Variants in INPP5A observed in about 807,000 individuals in gnomAD.
INPP5A encodes the protein 43 kDa inositol polyphosphate 5-phophatase.
Under a neutral mutation model 65.2 loss-of-function variants are expected in INPP5A, and 14 were observed. The ratio of observed to expected loss-of-function variants is 0.21; its 90% CI spans 0.14 to 0.34. The LOEUF (loss-of-function observed/expected upper bound fraction) is 0.34. Among genes scored for constraint, INPP5A ranks in the 10% least tolerant of loss-of-function variants. INPP5A has a pLI of 1.00. For synonymous variants in INPP5A, 207 were observed against 208.3 expected (o/e 0.99, Z 0.05); for missense variants, 431 against 545.6 (o/e 0.79, Z 2.09).
rs1423432664 is a variant in INPP5A, at chr10:132,651,367, C to T, written c.306+862C>T. Among the ~76,000 whole-genome samples the T allele has an allele frequency of 4.3e-5, 6 of 141,082 alleles. No homozygotes were observed. The highest frequency in any genetic ancestry group is 1.6e-4 in the African/African-American group (6 of 37,160). 92.6% of individuals were successfully genotyped at this position (141,082 alleles called of 152,430 possible). ...GTCTCTGGGGAGGCCCTGGGTCCCC[C>T]GGCCTGGGTCCATCTCCCCCGTCTC... On this transcript the variant is annotated intron_variant, in intron 4 of 15. Transcript: ENST00000368594. The surrounding 1 kb of genome is among the most constrained non-coding windows in gnomAD (Gnocchi z 5.0).
rs1184995430 is a variant in INPP5A at position 132,741,404 on chromosome 10, C to T, written c.733-8113C>T. On this transcript the variant is annotated intron_variant, in intron 9 of 15. Coordinates refer to ENST00000368594, the MANE Select transcript of INPP5A (RefSeq NM_005539.5). This position sits in a 1 kb window ranked among gnomAD's most constrained non-coding sequence, Gnocchi z 4.4. ...TCCTGCTGGACAAACACTGCAGGTT[C>T]ACACCACGGGAACTTCTCGGCATCT... Among the ~76,000 whole-genome samples, 1 of 152,224 alleles carries T rather than the reference C, an allele frequency of 6.6e-6. No homozygotes were observed. The highest frequency in any genetic ancestry group is 1.5e-5 in the Non-Finnish European group (1 of 68,036).
At chr10:132,778,211 C>T (rs1847097047) in intron 13 of INPP5A, among the ~76,000 whole-genome samples, 1 of 146,576 alleles carries the variant, frequency 6.8e-6, no homozygotes, top group African/African-American at 2.5e-5. Context: ...ATTTGAGCCT[C>T]GATAAGTTAA....
intron 2 of INPP5A, among the ~76,000 whole-genome samples, chr10:132,621,253 A>G (rs139581791): frequency 8.5e-4 from 130 of 152,354 alleles, no homozygotes; most frequent in African/African-American, 2.9e-3. Context: ...CCCATGCAGT[A>G]TGGTACTAAA....
intron 4 of INPP5A, among the ~76,000 whole-genome samples, chr10:132,686,548 T>C (rs573468236): frequency 7.7e-4 from 118 of 152,310 alleles, no homozygotes; most frequent in Admixed American, 3.1e-3. Flanking sequence ...CTGAACCGTA[T>C]TGATGGGACA....
chr10:132,538,281 G>A lies in INPP5A; in HGVS notation c.75+110G>A, dbSNP rs1165340889. 2 of 486,162 alleles carry A rather than the reference G, an allele frequency of 4.1e-6. No individual in the cohort carries two copies. Among genetic ancestry groups the A allele is most frequent in the Non-Finnish European group, 6.0e-6 (2 of 334,284 alleles). 30.1% of individuals were successfully genotyped at this position (486,162 alleles called of 1,614,324 possible). ...TGGACCGTGAACCTCCAGACCCAGA[G>A]GCCCCAGACTCTGATCCCTGTACCC... On this transcript the variant is annotated intron_variant, in intron 1 of 15. Coordinates refer to ENST00000368594, the MANE Select transcript of INPP5A (RefSeq NM_005539.5). This position sits in a 1 kb window ranked among gnomAD's most constrained non-coding sequence, Gnocchi z 4.1.
At chr10:132,552,241 T>C (rs796487557) in intron 1 of INPP5A, among the ~76,000 whole-genome samples, 40 of 89,898 alleles carry the variant, frequency 4.4e-4, no homozygotes, top group East Asian at 1.9e-3. Flanking sequence ...GATTGGTGAA[T>C]GCCTTCTCAG....
At chr10:132,723,160 C>T (rs189045983) in intron 8 of INPP5A, among the ~76,000 whole-genome samples, 2 of 152,360 alleles carry the variant, frequency 1.3e-5, no homozygotes, top group African/African-American at 2.4e-5. Context: ...GATGACGCGG[C>T]GTCTCCAGGG....
intron 12 of INPP5A, among the ~76,000 whole-genome samples, chr10:132,770,703 A>T (rs1444163706): frequency 6.6e-6 from 1 of 150,516 alleles, no homozygotes; most frequent in African/African-American, 2.4e-5. Context: ...TAAAAATAAC[A>T]CAATTACATG....
chr10:132,749,407 G>A (rs1266863632), intron 9 of INPP5A, 110 bp from the exon 10 acceptor site: 3 of 954,628 alleles, frequency 3.1e-6, no homozygotes, highest in Admixed American at 4.7e-5. Flanking sequence ...TGTGACACCA[G>A]CTGCTGTCTG....
rs528970200 is a variant in INPP5A, at chr10:132,676,508, A to G, written c.307-13884A>G. On this transcript the variant is annotated intron_variant, in intron 4 of 15. Coordinates refer to ENST00000368594, the MANE Select transcript of INPP5A (RefSeq NM_005539.5). The surrounding 1 kb of genome is among the most constrained non-coding windows in gnomAD (Gnocchi z 4.0). ...AATATATTACATCAGACAAAAGTCA[A>G]TAGAGATTTCCCTTTTGAAAAGCAA... is the stretch of plus-strand genomic sequence containing the variant. Among the ~76,000 whole-genome samples, 7 of 152,212 alleles carry G rather than the reference A, an allele frequency of 4.6e-5. No individual in the cohort carries two copies. Among genetic ancestry groups the G allele is most frequent in the Non-Finnish European group, 7.3e-5 (5 of 68,042 alleles).
chr10:132,568,757 C>CAAACAAAACA lies in INPP5A; in HGVS notation c.75+30597_75+30606dup, dbSNP rs112407064. 8.1e-3 allele frequency among the ~76,000 whole-genome samples: 1,228 copies of CAAACAAAACA among 151,846 alleles called. 15 individuals carry two copies. The highest frequency in any genetic ancestry group is 0.028 in the African/African-American group (1,176 of 41,378). ...GGGCGACAAGAGTGAAACTCTGTCT[C>CAAACAAAACA]AAACAAAACAAAACAAAACACAAAA... On this transcript the variant is annotated intron_variant, in intron 1 of 15. Coordinates refer to ENST00000368594, the MANE Select transcript of INPP5A (RefSeq NM_005539.5).
At chr10:132,725,137 G>A (rs1845963582) in intron 8 of INPP5A, among the ~76,000 whole-genome samples, 1 of 152,270 alleles carries the variant, frequency 6.6e-6, no homozygotes, top group African/African-American at 2.4e-5. Context: ...GAGAACAGCA[G>A]GCTGTGAACA....
intron 2 of INPP5A, among the ~76,000 whole-genome samples, chr10:132,639,990 T>C (rs1175835502): frequency 6.6e-6 from 1 of 152,246 alleles, no homozygotes; most frequent in Non-Finnish European, 1.5e-5. Context: ...TACTTTGACC[T>C]CATGGAGCAT....
At chr10:132,759,289 A>C (rs1421128154) in intron 11 of INPP5A, among the ~76,000 whole-genome samples, 2 of 152,104 alleles carry the variant, frequency 1.3e-5, no homozygotes, top group Non-Finnish European at 2.9e-5. Flanking sequence ...GGGTCCTCAG[A>C]ATCCTGATCT....
chr10:132,738,280 T>C (rs1269217140), intron 9 of INPP5A, among the ~76,000 whole-genome samples: 1 of 152,230 alleles, frequency 6.6e-6, no homozygotes, highest in African/African-American at 2.4e-5. Flanking sequence ...CCGGACACTG[T>C]GTAGCCTCAT....
intron 1 of INPP5A, among the ~76,000 whole-genome samples, chr10:132,593,920 A>G (rs2133318026): frequency 6.6e-6 from 1 of 152,338 alleles, no homozygotes. Context: ...AAAGATAATC[A>G]TTAGACTTTT....
At chr10:132,739,964 G>C (rs1230354520) in intron 9 of INPP5A, among the ~76,000 whole-genome samples, 2 of 152,222 alleles carry the variant, frequency 1.3e-5, no homozygotes, top group Non-Finnish European at 2.9e-5. Flanking sequence ...CCAGAGGTGA[G>C]GCTTCCTTGG....
intron 2 of INPP5A, among the ~76,000 whole-genome samples, chr10:132,631,301 C>T (rs2072270237): frequency 6.6e-6 from 1 of 152,196 alleles, no homozygotes; most frequent in Admixed American, 6.5e-5. Flanking sequence ...GAACCTGGGT[C>T]TGGTTGGTCA....
intron 2 of INPP5A, among the ~76,000 whole-genome samples, chr10:132,631,059 G>C (rs1418427477): frequency 6.6e-6 from 1 of 152,206 alleles, no homozygotes; most frequent in Non-Finnish European, 1.5e-5. Context: ...GGTGGGGCCT[G>C]CTGGGTCCCA....
Sources: gnomAD v4.1 joint callset for allele counts (sites outside exome capture counted in the v4.1 genomes callset) on GRCh38, gnomAD v4.1.1 for gene constraint, Gnocchi (gnomAD v3.1) non-coding constraint, MANE v1.5 for transcripts, NCBI Gene and HGNC (gene_info 2026-07-23, HGNC 2026-07-21) for gene names.